Variants in MYO1H observed in about 807,000 individuals in gnomAD.
The protein encoded by MYO1H is myosin IH.
A neutral mutation model predicts 149.3 loss-of-function variants in MYO1H; 118 were observed. The ratio of observed to expected loss-of-function variants is 0.79; its 90% CI spans 0.68 to 0.92. The LOEUF is 0.92. Among genes scored for constraint, MYO1H ranks in the 40% least tolerant of loss-of-function variants. MYO1H has a pLI of 0.00. For missense variants in MYO1H, 1,212 were observed against 1,280.7 expected, an observed-to-expected ratio of 0.95 and a Z score of 0.82; for synonymous variants, 447 against 465.2, an observed-to-expected ratio of 0.96 and a Z score of 0.50.
intron 1 of MYO1H, among the ~76,000 whole-genome samples, chr12:109,387,428 T>C (rs1303659719): frequency 6.6e-6 from 1 of 152,256 alleles, no homozygotes; most frequent in Non-Finnish European, 1.5e-5. Context: ...CATATCCATA[T>C]GTACCAGTTG....
chr12:109,393,394 A>G, exon 3 of MYO1H: 2 of 1,589,234 alleles, frequency 1.3e-6, no homozygotes, highest in Non-Finnish European at 1.7e-6. Context: ...CTACACTGTG[A>G]GCCAGATGGA....
chr12:109,424,858 G>A lies in MYO1H; in HGVS notation c.1725+30G>A, dbSNP rs746423603. On this transcript the variant is annotated intron_variant, in intron 17 of 31. Transcript: ENST00000310903. ...GTGGGAAAAACACCCATGCAAAATT[G>A]GATCTCACCAGAGGGTGAGATGACC... 1.6e-5 allele frequency: 25 copies of A among 1,589,080 alleles called. No individual in the cohort carries two copies. In the South Asian group the frequency reaches 1.7e-4, roughly 11 times the overall value.
chr12:109,315,886 T>C, the MYO1H span, among the ~76,000 whole-genome samples: 3 of 152,224 alleles, frequency 2.0e-5, no homozygotes, highest in African/African-American at 7.2e-5. Context: ...AGTTATCCTC[T>C]CAAACAGCTT....
intron 13 of MYO1H, 140 bp downstream of exon 13, chr12:109,410,908 G>A (rs1262770038): frequency 9.7e-6 from 6 of 620,158 alleles, no homozygotes; most frequent in South Asian, 5.7e-5. Context: ...TTGGGAGGCC[G>A]AGGTGGGTGG....
intron 3 of MYO1H, among the ~76,000 whole-genome samples, chr12:109,395,589 C>T (rs1170065860): frequency 6.9e-6 from 1 of 144,602 alleles, no homozygotes; most frequent in Admixed American, 7.4e-5. Context: ...AAAAAATTAG[C>T]CAGGCGTGGT....
chr12:109,397,732 G>C, exon 5 of MYO1H: 6 of 1,609,402 alleles, frequency 3.7e-6, no homozygotes, highest in Non-Finnish European at 5.1e-6. Context: ...GTATTCCAAG[G>C]CTTTTGGAAA....
At chr12:109,441,584 C>T in intron 25 of MYO1H, 31 bp from the exon 26 acceptor site, 1 of 1,509,894 alleles carries the variant, frequency 6.6e-7, no homozygotes, top group Non-Finnish European at 9.1e-7. Context: ...CTGTGGCTAC[C>T]ATTTTTATAC....
At chr12:109,358,493 C>T (rs1488709678) in intron 1 of MYO1H, among the ~76,000 whole-genome samples, 2 of 152,218 alleles carry the variant, frequency 1.3e-5, no homozygotes, top group Non-Finnish European at 2.9e-5. Flanking sequence ...GCTTCCCTAA[C>T]TGTAATTTTA....
intron 27 of MYO1H, 56 bp downstream of exon 27, chr12:109,442,328 C>A: frequency 6.6e-7 from 1 of 1,516,064 alleles, no homozygotes; most frequent in Non-Finnish European, 9.2e-7. Flanking sequence ...AGTCTAAGAG[C>A]AGGGTCCCCT....
chr12:109,414,750 C>T (rs563217654), intron 14 of MYO1H, among the ~76,000 whole-genome samples: 1 of 152,226 alleles, frequency 6.6e-6, no homozygotes, highest in Non-Finnish European at 1.5e-5. Flanking sequence ...CTCTGTTGCA[C>T]AGGCTGGAGT....
At chr12:109,356,314 TG>T (rs1447328465) in intron 1 of MYO1H, among the ~76,000 whole-genome samples, 2 of 152,190 alleles carry the variant, frequency 1.3e-5, no homozygotes, top group Non-Finnish European at 2.9e-5. Context: ...AAATATCTTT[TG>T]TTCCAGAGAA....
intron 15 of MYO1H, among the ~76,000 whole-genome samples, chr12:109,418,162 T>C (rs1871012720): frequency 6.6e-6 from 1 of 151,854 alleles, no homozygotes; most frequent in Non-Finnish European, 1.5e-5. Flanking sequence ...ATTGTTTATA[T>C]ATCCTAGATA....
chr12:109,315,393 A>C, the MYO1H span, among the ~76,000 whole-genome samples: 1 of 152,136 alleles, frequency 6.6e-6, no homozygotes, highest in South Asian at 2.1e-4. Context: ...ACATTATTAG[A>C]CTGGGACTAT....
chr12:109,396,390 T>C, exon 4 of MYO1H: 2 of 1,608,380 alleles, frequency 1.2e-6, no homozygotes, highest in South Asian at 1.1e-5. Context: ...CCAGCTACGC[T>C]ATAGCCGACA....
chr12:109,362,923 A>G (rs1460618041), intron 1 of MYO1H, among the ~76,000 whole-genome samples: 1 of 152,250 alleles, frequency 6.6e-6, no homozygotes, highest in Non-Finnish European at 1.5e-5. Context: ...AAATTATGCC[A>G]AGAAGGAATA....
At chr12:109,330,376 A>C in the MYO1H span, among the ~76,000 whole-genome samples, 2 of 152,316 alleles carry the variant, frequency 1.3e-5, no homozygotes, top group Admixed American at 1.3e-4. Flanking sequence ...TTATTATAAA[A>C]TTTTTAATAG....
At chr12:109,310,546 T>G in the MYO1H span, among the ~76,000 whole-genome samples, 1 of 151,520 alleles carries the variant, frequency 6.6e-6, no homozygotes, top group African/African-American at 2.4e-5. Flanking sequence ...GGAGTTGTTT[T>G]GAGGCTGTCC....
At chr12:109,396,286 C>T in intron 3 of MYO1H, 98 bp from the exon 4 acceptor site, 5 of 983,188 alleles carry the variant, frequency 5.1e-6, no homozygotes, top group South Asian at 3.4e-5. Context: ...GATGTGGCTT[C>T]CTGGAGATGG....
At chr12:109,392,004 T>A (rs893091610) in intron 2 of MYO1H, among the ~76,000 whole-genome samples, 2 of 152,246 alleles carry the variant, frequency 1.3e-5, no homozygotes, top group Non-Finnish European at 2.9e-5. Flanking sequence ...TCCCATTCTG[T>A]AGGTTGCCTG....
Sources: allele counts gnomAD v4.1 joint callset (sites outside exome capture counted in the v4.1 genomes callset), GRCh38; gene constraint gnomAD v4.1.1; transcripts MANE v1.5; gene names NCBI Gene and HGNC (gene_info 2026-07-23, HGNC 2026-07-21).